The following SLC25A21 variants were observed in gnomAD, a reference collection of about 807,000 sequenced individuals.
SLC25A21 encodes the protein mitochondrial 2-oxodicarboxylate carrier.
A neutral mutation model predicts 43.8 loss-of-function variants in SLC25A21; 47 were observed. That is an observed-to-expected ratio of 1.07 (90% CI 0.85 to 1.37). SLC25A21 has a LOEUF of 1.37. Ranked by LOEUF, SLC25A21 falls within the 40% of genes most tolerant of loss-of-function variation. SLC25A21 has a pLI of 0.00. For synonymous variants in SLC25A21, 131 were observed against 121.3 expected (o/e 1.08, Z -0.52); for missense variants, 352 against 350.2 (o/e 1.00, Z -0.04).
chr14:36,868,399 C>A (rs1165316780), intron 2 of SLC25A21, among the ~76,000 whole-genome samples: 3 of 152,152 alleles, frequency 2.0e-5, no homozygotes, highest in Non-Finnish European at 4.4e-5. Flanking sequence ...GCTTCTTAGT[C>A]AAATATCCTC....
At chr14:37,139,693 C>T (rs1200629552) in intron 1 of SLC25A21, among the ~76,000 whole-genome samples, 1 of 152,124 alleles carries the variant, frequency 6.6e-6, no homozygotes, top group Admixed American at 6.5e-5. Flanking sequence ...CTATGTTACG[C>T]TTTAAAATAA....
At chr14:37,127,548 A>C (rs1212519663) in intron 1 of SLC25A21, among the ~76,000 whole-genome samples, 2 of 152,240 alleles carry the variant, frequency 1.3e-5, no homozygotes, top group Admixed American at 1.3e-4. Flanking sequence ...GAAAGCTCGA[A>C]AGAGTGTGTA....
At chr14:37,035,759 C>A (rs1961313409) in intron 1 of SLC25A21, among the ~76,000 whole-genome samples, 1 of 152,234 alleles carries the variant, frequency 6.6e-6, no homozygotes, top group South Asian at 2.1e-4. Context: ...AAAGCACACA[C>A]AGCTACATCT....
At chr14:37,161,170 G>T (rs994064605) in intron 1 of SLC25A21, among the ~76,000 whole-genome samples, 3 of 151,750 alleles carry the variant, frequency 2.0e-5, no homozygotes, top group Non-Finnish European at 4.4e-5. Flanking sequence ...CCATAAATTT[G>T]CACAAATGAA....
chr14:36,967,734 G>A (rs555008927), intron 1 of SLC25A21, among the ~76,000 whole-genome samples: 82 of 152,320 alleles, frequency 5.4e-4, no homozygotes, highest in Non-Finnish European at 1.1e-3. Flanking sequence ...AGTGGGTACT[G>A]GAGGTACAAT....
intron 7 of SLC25A21, 103 bp from the exon 8 acceptor site, chr14:36,685,028 G>A (rs1438063234): frequency 2.0e-5 from 16 of 794,092 alleles, no homozygotes; most frequent in Non-Finnish European, 2.8e-5. Context: ...TTGCACTCCC[G>A]GCACCCTCCT....
chr14:36,928,888 C>T (rs2138633925), intron 1 of SLC25A21, among the ~76,000 whole-genome samples: 1 of 152,202 alleles, frequency 6.6e-6, no homozygotes, highest in East Asian at 1.9e-4. Flanking sequence ...ATCAATAGTA[C>T]TTAAAGGGAA....
intron 1 of SLC25A21, 118 bp downstream of exon 1, chr14:37,172,163 G>A (rs2138965376): frequency 9.3e-7 from 1 of 1,072,698 alleles, no homozygotes; most frequent in Non-Finnish European, 1.3e-6. Flanking sequence ...CTCCGGGAGC[G>A]CTGAATTTTG....
intron 1 of SLC25A21, among the ~76,000 whole-genome samples, chr14:36,958,514 C>T (rs1168456046): frequency 6.6e-6 from 1 of 152,162 alleles, no homozygotes; most frequent in Admixed American, 6.5e-5. Context: ...CAGAGACAAG[C>T]TTCCCAACTT....
chr14:36,862,164 G>A (rs1389165790), intron 2 of SLC25A21, among the ~76,000 whole-genome samples: 1 of 152,098 alleles, frequency 6.6e-6, no homozygotes, highest in African/African-American at 2.4e-5. Context: ...GGTTGGTGGG[G>A]TGTAAACTAG....
intron 1 of SLC25A21, among the ~76,000 whole-genome samples, chr14:37,035,415 T>C (rs1286609530): frequency 6.6e-6 from 1 of 152,228 alleles, no homozygotes; most frequent in Non-Finnish European, 1.5e-5. Context: ...AAATGGATTA[T>C]CAAAATGCAT....
intron 4 of SLC25A21, among the ~76,000 whole-genome samples, chr14:36,732,286 A>G (rs1190349357): frequency 6.6e-6 from 1 of 151,896 alleles, no homozygotes; most frequent in Non-Finnish European, 1.5e-5. Context: ...ATTAGCCTTC[A>G]TAGTTTATAA....
At chr14:36,912,615 T>C (rs1427206122) in intron 1 of SLC25A21, among the ~76,000 whole-genome samples, 1 of 152,362 alleles carries the variant, frequency 6.6e-6, no homozygotes, top group African/African-American at 2.4e-5. Flanking sequence ...TAGATAAATC[T>C]ATAAATCAGT....
intron 1 of SLC25A21, among the ~76,000 whole-genome samples, chr14:37,084,429 G>C (rs1962445738): frequency 6.6e-6 from 1 of 152,204 alleles, no homozygotes; most frequent in African/African-American, 2.4e-5. Context: ...CTGTAAAACA[G>C]TGACAAAACC....
chr14:37,074,945 C>CTAGG (rs1962250361), intron 1 of SLC25A21, among the ~76,000 whole-genome samples: 1 of 152,194 alleles, frequency 6.6e-6, no homozygotes, highest in Non-Finnish European at 1.5e-5. Flanking sequence ...GAGCACAGTG[C>CTAGG]TAGGTCCTGG....
chr14:36,993,490 A>G (rs1406396497), intron 1 of SLC25A21, among the ~76,000 whole-genome samples: 5 of 152,214 alleles, frequency 3.3e-5, no homozygotes, highest in Non-Finnish European at 7.3e-5. Context: ...GATCACAACC[A>G]GTCAACAACA....
intron 7 of SLC25A21, among the ~76,000 whole-genome samples, chr14:36,693,122 G>C (rs1882862656): frequency 6.6e-6 from 1 of 152,242 alleles, no homozygotes; most frequent in African/African-American, 2.4e-5. Context: ...AGGAACTGCA[G>C]AAGATTTATT....
At chr14:37,057,325 C>A (rs955413562) in intron 1 of SLC25A21, among the ~76,000 whole-genome samples, 3 of 152,070 alleles carry the variant, frequency 2.0e-5, no homozygotes, top group Non-Finnish European at 4.4e-5. Flanking sequence ...TCCTGAGTGC[C>A]TTGTCATTTA....
In SLC25A21 at chr14:36,772,578, C is replaced by A. The variant is rs559756139; in HGVS notation, c.204-38005G>T. On this transcript the variant is annotated intron_variant, in intron 3 of 9. Transcript: ENST00000331299. ...GTGAAGAGCAGAGAACAAAAAAAAT[C>A]TGATTGGAGAGGGATGTTGGGCGGC... 8.5e-5 allele frequency among the ~76,000 whole-genome samples: 13 copies of A among 152,250 alleles called. No individual in the cohort carries two copies. The East Asian group carries it at 2.3e-3, about 27-fold the overall frequency.
Sources: gnomAD v4.1 joint callset for allele counts (sites outside exome capture counted in the v4.1 genomes callset) on GRCh38, gnomAD v4.1.1 for gene constraint, MANE v1.5 for transcripts, NCBI Gene and HGNC (gene_info 2026-07-23, HGNC 2026-07-21) for gene names.